Variants in ESCO2 observed in about 807,000 individuals in gnomAD.
The protein encoded by ESCO2 is N-acetyltransferase ESCO2.
A neutral mutation model predicts 61.7 loss-of-function variants in ESCO2; 51 were observed. The observed-to-expected ratio is 0.83, with a 90% confidence interval of 0.66 to 1.04. The LOEUF is 1.04. Among genes scored for constraint, ESCO2 ranks in the 50% least tolerant of loss-of-function variants. ESCO2 has a pLI of 0.00. For missense variants in ESCO2, 692 were observed against 686.2 expected, an observed-to-expected ratio of 1.01 and a Z score of -0.09; for synonymous variants, 230 against 238.2, an observed-to-expected ratio of 0.97 and a Z score of 0.32.
chr8:27,775,826 G>T (rs1804776933), intron 2 of ESCO2, among the ~76,000 whole-genome samples: 1 of 152,178 alleles, frequency 6.6e-6, no homozygotes, highest in African/African-American at 2.4e-5. Flanking sequence ...GCACATTGAA[G>T]AAAGCTGTTT....
intron 3 of ESCO2, 87 bp downstream of exon 3, chr8:27,777,256 A>G (rs1804815950): frequency 1.6e-6 from 2 of 1,281,386 alleles, no homozygotes; most frequent in Non-Finnish European, 2.1e-6. Context: ...TATTTTCTGG[A>G]CTGCTTTTAT....
rs950912243 is a variant in ESCO2 at position 27,776,464 on chromosome 8, A to G, written c.156A>G (p.Gln52=). Residue 52 remains glutamine (Q), a synonymous_variant, in exon 3 of 11, where the codon CAA becomes CAG. Coordinates refer to ENST00000305188, the MANE Select transcript of ESCO2 (RefSeq NM_001017420.3). ...AAGAAAACCTGCATTGCTCTCAACA[A>G]GAGCATTTTGTTTTAAGTGCGCTCA... ...KNEENLHCSQ[Q]EHFVLSALKT... The G allele has an allele frequency of 6.2e-7, 1 of 1,611,864 alleles. No homozygotes were observed. Among genetic ancestry groups the G allele is most frequent in the East Asian group, 2.2e-5 (1 of 44,860 alleles).
At chr8:27,787,330 T>G (rs1805068110) in intron 5 of ESCO2, among the ~76,000 whole-genome samples, 2 of 108,438 alleles carry the variant, frequency 1.8e-5, no homozygotes, top group Non-Finnish European at 1.8e-5. Context: ...ATGTTTTTGT[T>G]TTTTTTTTTT....
rs1805519286 is a variant in ESCO2, at chr8:27,804,455, A to G, written c.*1017A>G. 8.1e-6 allele frequency: 8 copies of G among 985,374 alleles called. No homozygotes were observed. The highest frequency in any genetic ancestry group is 1.7e-5 in the African/African-American group (1 of 57,256). 61.0% of individuals were successfully genotyped at this position (985,374 alleles called of 1,614,324 possible). On this transcript the variant is annotated 3_prime_UTR_variant, in exon 11 of 11. Transcript: ENST00000305188. ...AAGTCTTTACAAAATGTATGGTAAT[A>G]GAACCAAGGTTAGTAAATATACATA...
rs1028476886 is a variant in ESCO2, at chr8:27,780,281, C to T, written c.955+14C>T. 1.1e-5 allele frequency: 16 copies of T among 1,500,324 alleles called. 1 individual carries two copies. The highest frequency in any genetic ancestry group is 4.1e-5 in the African/African-American group (3 of 72,506). The allele number at this position is 1,500,324 out of a possible 1,614,324, so 92.9% of individuals were successfully genotyped here. On this transcript the variant is annotated intron_variant, in intron 4 of 10. Coordinates refer to ENST00000305188, the MANE Select transcript of ESCO2 (RefSeq NM_001017420.3). ...AGAATAAGACAAGTAAGAGAAAACT[C>T]GCATGAATTTAGCTGCTTAAAATAA...
At chr8:27,774,709 C>G (rs1433670941) in intron 1 of ESCO2, 102 bp downstream of exon 1, 2 of 152,274 alleles carry the variant, frequency 1.3e-5, no homozygotes, top group East Asian at 3.9e-4. Flanking sequence ...AGAGCTTTTG[C>G]TCGGCGCTCG....
Position 27,799,689 on chromosome 8 carries a change from T to C in ESCO2, c.1646T>C (p.Ile549Thr). Residue 549 changes from isoleucine to threonine, a missense_variant, in exon 10 of 11, where the codon ATT (isoleucine) becomes ACT (threonine). Physicochemically the swap from Ile to Thr is moderately conservative, Grantham distance 89. Coordinates refer to ENST00000305188, the MANE Select transcript of ESCO2 (RefSeq NM_001017420.3). ...TTCAGACTGAAGAGAAGAAAGCGCA[T>C]TGCAAGACGACTGGTTGATACCCTC... Reference protein sequence around the residue: ...WVFRLKRRKRIARRLVDTLRN... With the variant: ...WVFRLKRRKRTARRLVDTLRN... 1 of 1,613,868 alleles carries C rather than the reference T, an allele frequency of 6.2e-7. No homozygotes were observed. Among genetic ancestry groups the C allele is most frequent in the Non-Finnish European group, 8.5e-7 (1 of 1,179,966 alleles).
chr8:27,776,414 T>C lies in ESCO2; in HGVS notation c.106T>C (p.Phe36Leu). The change falls in exon 3 of 11, where the codon TTT becomes CTT. Residue 36 changes from phenylalanine to leucine, a missense_variant. Phe to Leu is a conservative substitution (Grantham distance 22). Coordinates refer to ENST00000305188, the MANE Select transcript of ESCO2 (RefSeq NM_001017420.3). ...LFPSPNKKHC[F>L]YQNSDKNEEN... ...TCCATCACCTAATAAAAAGCACTGT[T>C]TTTATCAAAACAGTGATAAAAATGA... 6.2e-7 allele frequency: 1 copy of C among 1,608,290 alleles called. No homozygotes were observed. The highest frequency in any genetic ancestry group is 1.1e-5 in the South Asian group (1 of 89,318).
At chr8:27,806,812 T>C (rs6984310), downstream of ESCO2, among the ~76,000 whole-genome samples, 23,857 of 151,858 alleles carry the variant, frequency 0.16, 2,356 homozygotes, top group East Asian at 0.36. Context: ...GACGGGGTTT[T>C]ACCATGTTGG....
chr8:27,797,842 T>C (rs1805335238), intron 9 of ESCO2, among the ~76,000 whole-genome samples: 1 of 152,220 alleles, frequency 6.6e-6, no homozygotes. Context: ...ACATTACTAA[T>C]TTTACAGTTT....
chr8:27,796,085 G>GT (rs199966804), intron 9 of ESCO2, among the ~76,000 whole-genome samples: 25,838 of 145,606 alleles, frequency 0.18, 2,442 homozygotes, highest in East Asian at 0.37. Flanking sequence ...TATGATGCAA[G>GT]TTTTTTTTTT....
At chr8:27,812,701 G>A (rs1805716491), downstream of ESCO2, 1 of 151,290 alleles carries the variant, frequency 6.6e-6, no homozygotes, top group Non-Finnish European at 1.5e-5. Context: ...CATTTATGCA[G>A]CCAACAGACA....
At chr8:27,772,736 T>C (rs1196146863), upstream of ESCO2, 12 of 583,090 alleles carry the variant, frequency 2.1e-5, no homozygotes, top group East Asian at 3.5e-4. Flanking sequence ...TGGCAAGGAG[T>C]TTGGTTCAGT....
intron 9 of ESCO2, among the ~76,000 whole-genome samples, chr8:27,797,834 A>G (rs1036916530): frequency 6.6e-6 from 1 of 152,116 alleles, no homozygotes; most frequent in African/African-American, 2.4e-5. Context: ...TCCCTTCAAC[A>G]TTACTAATTT....
rs538682688 is a variant in ESCO2 at position 27,803,681 on chromosome 8, A to C, written c.*243A>C. 2 of 1,283,816 alleles carry C rather than the reference A, an allele frequency of 1.6e-6. No individual in the cohort carries two copies. The highest frequency in any genetic ancestry group is 2.0e-6 in the Non-Finnish European group (2 of 1,016,400). 79.5% of individuals were successfully genotyped at this position (1,283,816 alleles called of 1,614,324 possible). ...ATCTTTGGGTGATTCCCTGATTAGC[A>C]CTCTGAATGTTTAATTATGAAACTT... is the stretch of plus-strand genomic sequence containing the variant. On this transcript the variant is annotated 3_prime_UTR_variant, in exon 11 of 11. Coordinates refer to ENST00000305188, the MANE Select transcript of ESCO2 (RefSeq NM_001017420.3).
intron 3 of ESCO2, chr8:27,779,909 C>T: frequency 2.7e-6 from 1 of 373,140 alleles, no homozygotes; most frequent in Non-Finnish European, 5.0e-6. Context: ...TCGCAATCTA[C>T]CCACCTCGGC....
At chr8:27,772,752 G>A (rs1376665745), upstream of ESCO2, 1 of 570,282 alleles carries the variant, frequency 1.8e-6, no homozygotes, top group Non-Finnish European at 3.2e-6. Context: ...TCAGTGATTT[G>A]TGGGTTAAGG....
At chr8:27,786,860 GTT>G (rs11305883) in intron 5 of ESCO2, among the ~76,000 whole-genome samples, 20 of 122,188 alleles carry the variant, frequency 1.6e-4, no homozygotes, top group Non-Finnish European at 2.9e-4. Context: ...TGGTACTAGG[GTT>G]TTTTTTTTTT....
At chr8:27,817,045 C>G (rs936091178), downstream of ESCO2, among the ~76,000 whole-genome samples, 1 of 152,030 alleles carries the variant, frequency 6.6e-6, no homozygotes, top group African/African-American at 2.4e-5. Flanking sequence ...AAATAGAAAG[C>G]CTTTGCCTAC....
Sources: gnomAD v4.1 joint callset for allele counts (sites outside exome capture counted in the v4.1 genomes callset) on GRCh38, gnomAD v4.1.1 for gene constraint, MANE v1.5 for transcripts, NCBI Gene and HGNC (gene_info 2026-07-23, HGNC 2026-07-21) for gene names.